The following BLVRA variants were observed in gnomAD, a reference collection of about 807,000 sequenced individuals.
BLVRA encodes biliverdin reductase A.
Under a neutral mutation model 32.8 loss-of-function variants are expected in BLVRA, and 22 were observed. The ratio of observed to expected loss-of-function variants is 0.67; its 90% confidence interval spans 0.48 to 0.96. BLVRA has a LOEUF of 0.96. Ranked by LOEUF, BLVRA falls within the 40% of genes least tolerant of loss-of-function variation. The pLI, the probability that BLVRA is intolerant of heterozygous loss-of-function variation, is 0.00. For synonymous variants in BLVRA, 119 were observed against 141.3 expected, an observed-to-expected ratio of 0.84 and a Z score of 1.12; for missense variants, 323 against 358.1, an observed-to-expected ratio of 0.90 and a Z score of 0.79.
In BLVRA at chr7:43,803,777, G is replaced by T; in HGVS notation, c.562G>T (p.Ala188Ser). Reference sequence around the variant, plus strand: ...CTTTGGGGAGCTTTCTCTTGTGTCTGCCACTTTGGAAGAGCGAAAGGAAGA... The same window carrying T: ...CTTTGGGGAGCTTTCTCTTGTGTCTTCCACTTTGGAAGAGCGAAAGGAAGA... ...SLFGELSLVS[A>S]TLEERKEDQY... The change falls in exon 7 of 8, where the codon GCC becomes TCC. Residue 188 changes from alanine (A) to serine (S), a missense_variant. Coordinates refer to ENST00000265523, the MANE Select transcript of BLVRA (RefSeq NM_000712.4). The T allele has an allele frequency of 6.2e-7, 1 of 1,614,146 alleles. No individual in the cohort carries two copies.
chr7:43,784,452 G>A (rs973323809), intron 2 of BLVRA, among the ~76,000 whole-genome samples: 7 of 152,144 alleles, frequency 4.6e-5, no homozygotes, highest in East Asian at 3.8e-4. Flanking sequence ...CTGATTTGCA[G>A]TTTCCCTTCA....
chr7:43,807,272 A>G lies in BLVRA; in HGVS notation c.*37A>G. 6.2e-7 allele frequency: 1 copy of G among 1,600,280 alleles called. No individual in the cohort carries two copies. On this transcript the variant is annotated 3_prime_UTR_variant, in exon 8 of 8. Coordinates refer to ENST00000265523, the MANE Select transcript of BLVRA (RefSeq NM_000712.4). ...GATGTAGCACTTCCAAGATGGCACC[A>G]GCATTTGGTTCTTCTCAAGAGTTGA... is the stretch of plus-strand genomic sequence containing the variant.
Position 43,771,142 on chromosome 7 carries a change from C to G in BLVRA, c.-17C>G, listed in dbSNP as rs368541720. ...CCTCTGCTTTTGTCTTTACAGTGAC[C>G]GAAGGAAGAGACCAAGATGAATGCA... On this transcript the variant is annotated 5_prime_UTR_variant, in exon 2 of 8. Transcript: ENST00000265523. 7.1e-5 allele frequency: 115 copies of G among 1,613,798 alleles called. No homozygotes were observed. The highest frequency in any genetic ancestry group is 9.7e-5 in the Non-Finnish European group (114 of 1,179,878).
At chr7:43,785,079 T>C (rs1193537731) in intron 2 of BLVRA, among the ~76,000 whole-genome samples, 1 of 152,188 alleles carries the variant, frequency 6.6e-6, no homozygotes, top group African/African-American at 2.4e-5. Flanking sequence ...GGCTTATTTA[T>C]AGATAATGGA....
upstream of BLVRA, among the ~76,000 whole-genome samples, chr7:43,758,369 C>G (rs2095738382): frequency 6.6e-6 from 1 of 152,062 alleles, no homozygotes; most frequent in Non-Finnish European, 1.5e-5. Flanking sequence ...CGTGAGGGGG[C>G]CAGGCACACC....
chr7:43,786,355 A>T (rs1056245447), intron 2 of BLVRA, among the ~76,000 whole-genome samples: 2 of 152,254 alleles, frequency 1.3e-5, no homozygotes, highest in Non-Finnish European at 2.9e-5. Flanking sequence ...CTAAACTTGT[A>T]TGTATCTAAT....
In BLVRA at chr7:43,767,441, T is replaced by C. The variant is rs887186904; in HGVS notation, c.-21-3697T>C. 1.5e-5 allele frequency: 24 copies of C among 1,550,588 alleles called. No homozygotes were observed. The East Asian group carries it at 5.4e-4, about 35-fold the overall frequency. On this transcript the variant is annotated intron_variant, in intron 1 of 7. Coordinates refer to ENST00000265523, the MANE Select transcript of BLVRA (RefSeq NM_000712.4). ...GGGTTATTTATATTTCACAACTAAA[T>C]CTTATATATCTGGAGGCGCCCTTGG...
chr7:43,793,531 G>A (rs1453961171), intron 5 of BLVRA, among the ~76,000 whole-genome samples: 2 of 152,028 alleles, frequency 1.3e-5, no homozygotes, highest in Non-Finnish European at 2.9e-5. Context: ...CTCATGCCCT[G>A]TCAGCCCAGC....
At position 43,787,098 on chromosome 7, in the gene BLVRA, T is replaced by A. The variant is rs1209199182; in HGVS notation, c.13-806T>A. 6.6e-6 allele frequency among the ~76,000 whole-genome samples: 1 copy of A among 152,010 alleles called. No individual in the cohort carries two copies. The highest frequency in any genetic ancestry group is 2.4e-5 in the African/African-American group (1 of 41,382). On this transcript the variant is annotated intron_variant, in intron 2 of 7. Coordinates refer to ENST00000265523, the MANE Select transcript of BLVRA (RefSeq NM_000712.4). The surrounding 1 kb of genome is among the most constrained non-coding windows in gnomAD (Gnocchi z 4.5). Reference sequence around the variant, plus strand: ...CCAACAGGCCCAGCTAATTTTTGTATTTTTAGTAGAGACGAGGTTTCTCCA... The same window carrying A: ...CCAACAGGCCCAGCTAATTTTTGTAATTTTAGTAGAGACGAGGTTTCTCCA...
rs17239523 is a variant in BLVRA at position 43,787,516 on chromosome 7, A to G, written c.13-388A>G. Among the ~76,000 whole-genome samples, 1,087 of 152,246 alleles carry G rather than the reference A, an allele frequency of 7.1e-3. 11 individuals carry two copies. The highest frequency in any genetic ancestry group is 0.025 in the African/African-American group (1,031 of 41,544). On this transcript the variant is annotated intron_variant, in intron 2 of 7. Coordinates refer to ENST00000265523, the MANE Select transcript of BLVRA (RefSeq NM_000712.4). This position sits in a 1 kb window ranked among gnomAD's most constrained non-coding sequence, Gnocchi z 4.5. The stretch of plus-strand genomic sequence containing the variant: ...AATGACTCCCAGTAGTATCAGATTC[A>G]TGTGTCCACTGGAGGAGGGACCCAG...
At chr7:43,796,755 G>C (rs886782780) in intron 5 of BLVRA, among the ~76,000 whole-genome samples, 2 of 152,188 alleles carry the variant, frequency 1.3e-5, no homozygotes, top group African/African-American at 4.8e-5. Context: ...AATCAACTGA[G>C]TGAAAAAGCA....
intron 4 of BLVRA, chr7:43,791,757 A>G (rs1478482389): frequency 4.5e-6 from 1 of 220,102 alleles, no homozygotes; most frequent in Non-Finnish European, 9.3e-6. Flanking sequence ...AGTTTGGATC[A>G]GCTTCCAACG....
intron 7 of BLVRA, among the ~76,000 whole-genome samples, chr7:43,804,169 T>A (rs1190559637): frequency 6.6e-6 from 1 of 152,220 alleles, no homozygotes; most frequent in Non-Finnish European, 1.5e-5. Flanking sequence ...TGGCTGGGCG[T>A]GGTGGCTCAG....
intron 6 of BLVRA, among the ~76,000 whole-genome samples, chr7:43,801,517 G>A (rs1042628489): frequency 2.0e-5 from 3 of 152,094 alleles, no homozygotes; most frequent in Non-Finnish European, 2.9e-5. Context: ...ATTTTTGCAC[G>A]GTAAAGCCAC....
intron 1 of BLVRA, among the ~76,000 whole-genome samples, chr7:43,760,953 G>C (rs2095741568): frequency 6.6e-6 from 1 of 152,120 alleles, no homozygotes; most frequent in Non-Finnish European, 1.5e-5. Context: ...ACTTTTAGTA[G>C]AGACAGGGTT....
chr7:43,769,884 C>T (rs2095752584), intron 1 of BLVRA, among the ~76,000 whole-genome samples: 1 of 152,206 alleles, frequency 6.6e-6, no homozygotes, highest in African/African-American at 2.4e-5. Context: ...ACTGGGATTA[C>T]AGGCGTGAGC....
At chr7:43,772,805 GA>G in intron 2 of BLVRA, among the ~76,000 whole-genome samples, 1 of 152,298 alleles carries the variant, frequency 6.6e-6, no homozygotes, top group Non-Finnish European at 1.5e-5. Context: ...CGGCATGGGG[GA>G]AACCACCCCC....
intron 2 of BLVRA, among the ~76,000 whole-genome samples, chr7:43,781,439 C>T (rs1198107199): frequency 1.3e-5 from 2 of 152,108 alleles, no homozygotes; most frequent in African/African-American, 2.4e-5. Flanking sequence ...CTCGGCCTCC[C>T]GTTTCAAGCA....
chr7:43,803,316 T>TGC (rs2095800727), intron 6 of BLVRA, among the ~76,000 whole-genome samples: 1 of 151,578 alleles, frequency 6.6e-6, no homozygotes, highest in Non-Finnish European at 1.5e-5. Flanking sequence ...GTGTTGTGTG[T>TGC]GTGTGTGTGT....
Sources: allele counts gnomAD v4.1 joint callset (sites outside exome capture counted in the v4.1 genomes callset), GRCh38; gene constraint gnomAD v4.1.1; non-coding constraint Gnocchi (gnomAD v3.1); transcripts MANE v1.5; gene names NCBI Gene and HGNC (gene_info 2026-07-23, HGNC 2026-07-21).